The following FAIM2 variants were observed in gnomAD, a reference collection of about 807,000 sequenced individuals.
FAIM2 encodes Fas apoptotic inhibitory molecule 2, also known as protein lifeguard 2.
In FAIM2, 27 loss-of-function variants were observed where a neutral mutation model predicts 47.4. The observed-to-expected ratio is 0.57, with a 90% confidence interval of 0.42 to 0.78. The LOEUF is 0.78. Among genes scored for constraint, FAIM2 ranks in the 30% least tolerant of loss-of-function variants. The pLI, the probability that FAIM2 is intolerant of heterozygous loss-of-function variation, is 0.00. For missense variants in FAIM2, 311 were observed against 389.4 expected (o/e 0.80, Z 1.69); for synonymous variants, 156 against 159.3 (o/e 0.98, Z 0.16).
chr12:49,897,962 C>A (rs760397933), intron 3 of FAIM2, 25 bp downstream of exon 3: 1 of 1,581,860 alleles, frequency 6.3e-7, no homozygotes, highest in Non-Finnish European at 8.7e-7. Context: ...GCTCCCAGTC[C>A]CAGAGGGCTA....
chr12:49,900,183 TG>T, intron 2 of FAIM2: 1 of 1,286,832 alleles, frequency 7.8e-7, no homozygotes. Flanking sequence ...TAGGTCACGG[TG>T]GGGTGAGTCT....
At position 49,900,547 on chromosome 12, in the gene FAIM2, C is replaced by T. The variant is rs1049879666; in HGVS notation, c.211+583G>A. Among the ~76,000 whole-genome samples, 4 of 152,086 alleles carry T rather than the reference C, an allele frequency of 2.6e-5. No individual in the cohort carries two copies. The East Asian group carries it at 5.8e-4, about 22-fold the overall frequency. On this transcript the variant is annotated intron_variant, in intron 2 of 11. Transcript: ENST00000320634. Reference sequence around the variant, plus strand: ...TGTGGGGGACACTGAGGCTGGAAACCACACTCCCTCCCTGGGTCATGAACT... The same window carrying T: ...TGTGGGGGACACTGAGGCTGGAAACTACACTCCCTCCCTGGGTCATGAACT...
chr12:49,901,251 T>A lies in FAIM2; in HGVS notation c.90A>T (p.Ala30=), dbSNP rs567574743. 3.7e-4 allele frequency: 602 copies of A among 1,610,774 alleles called. 7 individuals carry two copies. The South Asian group carries it at 5.9e-3, about 16-fold the overall frequency. Residue 30 remains alanine (A), a synonymous_variant, in exon 2 of 12, where the codon GCA becomes GCT. Transcript: ENST00000320634. ...QVHGEKKEAP[A]VPSAPPSYEE... is the part of the protein sequence containing the mutation. ...CATAGGAGGGTGGGGCTGAGGGCACTGCTGGAGCCTCCTTCTTCTCGCCAT... is the reference window on the plus strand; with the variant it reads ...CATAGGAGGGTGGGGCTGAGGGCACAGCTGGAGCCTCCTTCTTCTCGCCAT...
intron 5 of FAIM2, among the ~76,000 whole-genome samples, chr12:49,895,074 C>CAGGGG (rs1168891865): frequency 2.0e-5 from 3 of 151,940 alleles, no homozygotes. Flanking sequence ...CAGGGCAGGG[C>CAGGGG]AGGCAGGACC....
chr12:49,884,264 G>A (rs553484962), intron 11 of FAIM2, among the ~76,000 whole-genome samples: 26 of 151,622 alleles, frequency 1.7e-4, no homozygotes, highest in South Asian at 1.7e-3. Flanking sequence ...GAGAGAGAAT[G>A]GGAGGGAAAG....
intron 2 of FAIM2, among the ~76,000 whole-genome samples, chr12:49,899,505 G>A (rs36120833): frequency 1.2e-4 from 18 of 152,120 alleles, no homozygotes; most frequent in Non-Finnish European, 2.4e-4. Context: ...CCCCGATCAG[G>A]TTCTCAACCC....
rs950769224 is a variant in FAIM2 at position 49,874,953 on chromosome 12, A to G, written c.802-4300T>C. Among the ~76,000 whole-genome samples the G allele has an allele frequency of 6.6e-6, 1 of 152,204 alleles. No individual in the cohort carries two copies. The highest frequency in any genetic ancestry group is 1.5e-5 in the Non-Finnish European group (1 of 68,032). ...GCAAGTTGTGAAAAATCTATATCGTATGATCCCATAAAACTATACACGTCA... is the reference window on the plus strand; with the variant it reads ...GCAAGTTGTGAAAAATCTATATCGTGTGATCCCATAAAACTATACACGTCA... On this transcript the variant is annotated intron_variant, in intron 11 of 11. Coordinates refer to ENST00000320634, the MANE Select transcript of FAIM2 (RefSeq NM_012306.4). This position sits in a 1 kb window ranked among gnomAD's most constrained non-coding sequence, Gnocchi z 4.2.
At chr12:49,879,699 CAT>C (rs1491178739) in intron 11 of FAIM2, among the ~76,000 whole-genome samples, 15 of 49,348 alleles carry the variant, frequency 3.0e-4, no homozygotes, top group South Asian at 6.0e-4. Flanking sequence ...TGTCTGTGTG[CAT>C]GTGTGTGTGT....
chr12:49,894,373 C>T (rs565419827), intron 5 of FAIM2, among the ~76,000 whole-genome samples: 86 of 152,294 alleles, frequency 5.6e-4, no homozygotes, highest in African/African-American at 1.9e-3. Context: ...GCCCACCAGC[C>T]CTCCACCACC....
intron 5 of FAIM2, among the ~76,000 whole-genome samples, chr12:49,893,487 C>A (rs1946914827): frequency 6.6e-6 from 1 of 152,226 alleles, no homozygotes; most frequent in South Asian, 2.1e-4. Flanking sequence ...GGCCAGCCTG[C>A]AACTTATCAG....
At chr12:49,880,614 GTGTA>G (rs1200537001) in intron 11 of FAIM2, among the ~76,000 whole-genome samples, 3 of 96,572 alleles carry the variant, frequency 3.1e-5, no homozygotes, top group South Asian at 7.1e-4. Context: ...GTGCATGTGA[GTGTA>G]TGTGCATGTG....
chr12:49,871,225 A>C (rs1390973191), intron 11 of FAIM2, among the ~76,000 whole-genome samples: 4 of 152,228 alleles, frequency 2.6e-5, no homozygotes, highest in Non-Finnish European at 5.9e-5. Flanking sequence ...CAGAGACCTT[A>C]AATATTAGCT....
chr12:49,873,023 C>A lies in FAIM2; in HGVS notation c.802-2370G>T, dbSNP rs376780974. 1.4e-3 allele frequency among the ~76,000 whole-genome samples: 210 copies of A among 152,316 alleles called. 2 individuals carry two copies. The highest frequency in any genetic ancestry group is 4.8e-3 in the African/African-American group (201 of 41,564). On this transcript the variant is annotated intron_variant, in intron 11 of 11. Transcript: ENST00000320634. ...ACTGATGAGACTCAGGTGTCTCTTG[C>A]ATCTCATCAGGGAGGCAGCACTGTT...
rs184072017 is a variant in FAIM2, at chr12:49,878,979, T to G, written c.802-8326A>C. 1.5e-4 allele frequency among the ~76,000 whole-genome samples: 21 copies of G among 136,974 alleles called. 4 individuals carry two copies. The East Asian group carries it at 5.2e-3, about 34-fold the overall frequency. 89.9% of individuals were successfully genotyped at this position (136,974 alleles called of 152,430 possible). On this transcript the variant is annotated intron_variant, in intron 11 of 11. Coordinates refer to ENST00000320634, the MANE Select transcript of FAIM2 (RefSeq NM_012306.4). ...GTGTATATGTGCGTATGTGTATATG[T>G]ATGCATATGAGTGTATCTGTGTATG...
At chr12:49,883,753 G>A (rs1049648235) in intron 11 of FAIM2, among the ~76,000 whole-genome samples, 14 of 152,134 alleles carry the variant, frequency 9.2e-5, no homozygotes, top group Admixed American at 8.5e-4. Flanking sequence ...GAAACGCCTG[G>A]GTGGGTGGTG....
At chr12:49,880,010 GTGTA>G (rs1215626343) in intron 11 of FAIM2, among the ~76,000 whole-genome samples, 68 of 148,606 alleles carry the variant, frequency 4.6e-4, no homozygotes, top group African/African-American at 1.5e-3. Context: ...ATATATGCGT[GTGTA>G]TGTGTCTGTG....
intron 2 of FAIM2, among the ~76,000 whole-genome samples, chr12:49,899,972 T>C (rs960376336): frequency 6.6e-6 from 1 of 152,050 alleles, no homozygotes; most frequent in African/African-American, 2.4e-5. Flanking sequence ...GGGAGAGAGG[T>C]AGACCCACTG....
chr12:49,893,550 A>C (rs532997570), intron 5 of FAIM2, among the ~76,000 whole-genome samples: 13 of 152,352 alleles, frequency 8.5e-5, no homozygotes, highest in African/African-American at 3.1e-4. Flanking sequence ...GGTGCTCTTC[A>C]AATATTTCTG....
At chr12:49,901,440 C>G in intron 1 of FAIM2, 115 bp from the exon 2 acceptor site, 1 of 765,582 alleles carries the variant, frequency 1.3e-6, no homozygotes, top group Non-Finnish European at 2.0e-6. Flanking sequence ...CTTACCTGCA[C>G]TTGGAAGCCA....
Sources: gnomAD v4.1 joint callset for allele counts (sites outside exome capture counted in the v4.1 genomes callset) on GRCh38, gnomAD v4.1.1 for gene constraint, Gnocchi (gnomAD v3.1) non-coding constraint, MANE v1.5 for transcripts, NCBI Gene and HGNC (gene_info 2026-07-23, HGNC 2026-07-21) for gene names.